PPP4R3A: variants seen among roughly 807,000 people sequenced by gnomAD.
PPP4R3A encodes the protein protein phosphatase 4 regulatory subunit 3A.
In PPP4R3A, 15 loss-of-function variants were observed where a neutral mutation model predicts 91.7. The ratio of observed to expected loss-of-function variants is 0.16; its 90% CI spans 0.11 to 0.25. The LOEUF (loss-of-function observed/expected upper bound fraction) is 0.25. PPP4R3A is among the 10% of genes least tolerant of loss of function. PPP4R3A has a pLI of 1.00. For synonymous variants in PPP4R3A, 377 were observed against 348.7 expected, an observed-to-expected ratio of 1.08 and a Z score of -0.91; for missense variants, 623 against 998.4, an observed-to-expected ratio of 0.62 and a Z score of 5.07.
chr14:91,461,281 A>T (rs1027029077), intron 14 of PPP4R3A, 100 bp downstream of exon 14: 3 of 1,027,104 alleles, frequency 2.9e-6, no homozygotes, highest in Non-Finnish European at 4.4e-6. Context: ...ATGTTAAATC[A>T]GTTCTAGGTG....
At chr14:91,481,076 T>A (rs1889525432) in intron 4 of PPP4R3A, among the ~76,000 whole-genome samples, 2 of 151,874 alleles carry the variant, frequency 1.3e-5, no homozygotes, top group Admixed American at 1.3e-4. Context: ...CTCACACCTG[T>A]AATCCCAGCA....
At chr14:91,466,233 T>G in intron 10 of PPP4R3A, 1 of 985,834 alleles carries the variant, frequency 1.0e-6, no homozygotes, top group Non-Finnish European at 1.2e-6. Context: ...CCCCAGTTAT[T>G]GTAAACAGTG....
chr14:91,494,970 T>C (rs1294442984), intron 1 of PPP4R3A, among the ~76,000 whole-genome samples: 1 of 152,068 alleles, frequency 6.6e-6, no homozygotes, highest in Non-Finnish European at 1.5e-5. Context: ...TGTAGAGAAA[T>C]GGGAAGCTTC....
intron 13 of PPP4R3A, 93 bp downstream of exon 13, chr14:91,461,956 C>CATT: frequency 2.1e-6 from 3 of 1,417,178 alleles, no homozygotes; most frequent in Non-Finnish European, 2.8e-6. Context: ...TGCCATCACA[C>CATT]CTTCCAAGCA....
At position 91,481,946 on chromosome 14, in the gene PPP4R3A, T is replaced by C. The variant is rs1889586837; in HGVS notation, c.545A>G (p.Asp182Gly). 1 of 1,613,874 alleles carries C rather than the reference T, an allele frequency of 6.2e-7. No homozygotes were observed. The highest frequency in any genetic ancestry group is 8.5e-7 in the Non-Finnish European group (1 of 1,179,996). Reference sequence around the variant, plus strand: ...GTGCAGTCCTTCAATATTTTCCAAATCTTCACACACATGAAAAAGCTCCAG... The same window carrying C: ...GTGCAGTCCTTCAATATTTTCCAAACCTTCACACACATGAAAAAGCTCCAG... ...KLLELFHVCE[D>G]LENIEGLHHL... is the part of the protein sequence containing the mutation. The change falls in exon 4 of 15, where the codon GAT becomes GGT. Residue 182 changes from aspartate (D) to glycine (G), a missense_variant. Asp to Gly is a moderately conservative substitution (Grantham distance 94). Coordinates refer to ENST00000554943, the MANE Select transcript of PPP4R3A (RefSeq NM_001366432.2).
Position 91,509,893 on chromosome 14 carries a change from GC to G in PPP4R3A, c.-247del. The G allele has an allele frequency of 9.3e-7, 1 of 1,077,964 alleles. No homozygotes were observed. The allele number at this position is 1,077,964 out of a possible 1,614,324, so 66.8% of individuals were successfully genotyped here. A position where few individuals can be genotyped will look rare whatever the true frequency, so the allele number is the denominator to read the frequency against. On this transcript the variant is annotated 5_prime_UTR_variant, in exon 1 of 15. Coordinates refer to ENST00000554943, the MANE Select transcript of PPP4R3A (RefSeq NM_001366432.2). ...ATTGTCCAGGCCTGGCGAGCCCGGC[GC>G]CCGGCAGCCCCGAGGGGGCCGCGCA... is the stretch of plus-strand genomic sequence containing the variant.
chr14:91,464,702 G>A (rs1264365640), intron 11 of PPP4R3A, among the ~76,000 whole-genome samples: 1 of 152,188 alleles, frequency 6.6e-6, no homozygotes, highest in Admixed American at 6.5e-5. Flanking sequence ...TTAGAAATGT[G>A]TAAGTTAAGA....
At chr14:91,489,790 A>G (rs1456399696) in intron 2 of PPP4R3A, among the ~76,000 whole-genome samples, 1 of 152,244 alleles carries the variant, frequency 6.6e-6, no homozygotes, top group Non-Finnish European at 1.5e-5. Context: ...GTATTCTATC[A>G]GACTATCAAA....
chr14:91,461,384 TGTA>T lies in PPP4R3A; in HGVS notation c.2385_2387del (p.Thr796del). ...AAAATGGGAGTCAAGAATGTACCTT[TGTA>T]GTAATAGCTGCCGTCTGAGATGTAT... On this transcript the variant is annotated inframe_deletion, in exon 14 of 15. Transcript: ENST00000554943. The T allele has an allele frequency of 6.2e-7, 1 of 1,604,740 alleles. No individual in the cohort carries two copies. Among genetic ancestry groups the T allele is most frequent in the Non-Finnish European group, 8.5e-7 (1 of 1,171,960 alleles).
Position 91,491,359 on chromosome 14 carries a change from G to A in PPP4R3A, c.143-557C>T, listed in dbSNP as rs926455779. On this transcript the variant is annotated intron_variant, in intron 1 of 14. Coordinates refer to ENST00000554943, the MANE Select transcript of PPP4R3A (RefSeq NM_001366432.2). ...ATTGCAGGTGCAAGCCACTGTGCCCGACCATATTTCCTTTTCTGAACATTT... is the reference window on the plus strand; with the variant it reads ...ATTGCAGGTGCAAGCCACTGTGCCCAACCATATTTCCTTTTCTGAACATTT... 4.0e-5 allele frequency among the ~76,000 whole-genome samples: 6 copies of A among 151,796 alleles called. No individual in the cohort carries two copies. The South Asian group carries it at 6.2e-4, about 16-fold the overall frequency.
chr14:91,483,069 A>C (rs1377926626), intron 3 of PPP4R3A, among the ~76,000 whole-genome samples: 1 of 152,198 alleles, frequency 6.6e-6, no homozygotes, highest in Non-Finnish European at 1.5e-5. Flanking sequence ...AGGGGCTCTT[A>C]TTATAAAAAG....
chr14:91,487,373 C>A (rs1413765035), intron 2 of PPP4R3A, among the ~76,000 whole-genome samples: 3 of 151,564 alleles, frequency 2.0e-5, no homozygotes, highest in Non-Finnish European at 4.4e-5. Flanking sequence ...ATCTATAAAT[C>A]ATCTCATACA....
At chr14:91,460,132 C>T (rs987647284) in intron 14 of PPP4R3A, among the ~76,000 whole-genome samples, 3 of 152,082 alleles carry the variant, frequency 2.0e-5, no homozygotes, top group African/African-American at 7.2e-5. Context: ...CTGCCTCAGC[C>T]TCCTGAGTAG....
At chr14:91,463,614 A>T (rs1044079373) in intron 11 of PPP4R3A, among the ~76,000 whole-genome samples, 2 of 151,146 alleles carry the variant, frequency 1.3e-5, no homozygotes, top group South Asian at 2.1e-4. Flanking sequence ...TTAACAAAAA[A>T]TTTTTGTAGA....
At chr14:91,477,864 G>A (rs1401761725) in intron 4 of PPP4R3A, among the ~76,000 whole-genome samples, 1 of 152,216 alleles carries the variant, frequency 6.6e-6, no homozygotes, top group Non-Finnish European at 1.5e-5. Flanking sequence ...GGCCAGTCTG[G>A]TCTTGAACTC....
At chr14:91,498,191 T>C (rs1890703319) in intron 1 of PPP4R3A, among the ~76,000 whole-genome samples, 1 of 151,774 alleles carries the variant, frequency 6.6e-6, no homozygotes, top group African/African-American at 2.4e-5. Context: ...AAAAATTAGC[T>C]GGGTGTGGTG....
chr14:91,481,739 G>T lies in PPP4R3A; in HGVS notation c.752C>A (p.Pro251His). The part of the protein sequence containing the change: ...TKTAKFKEVI[P>H]ISDPELKQKI... Reference sequence around the variant, plus strand: ...TTGTTTCAGCTCAGGATCTGATATGGGAATCACTTCTTTAAACTTGGCTGT... The same window carrying T: ...TTGTTTCAGCTCAGGATCTGATATGTGAATCACTTCTTTAAACTTGGCTGT... Residue 251 changes from proline to histidine, a missense_variant, in exon 4 of 15, where the codon CCC becomes CAC. By Grantham distance (77) the Pro-to-His change is moderately conservative. Coordinates refer to ENST00000554943, the MANE Select transcript of PPP4R3A (RefSeq NM_001366432.2). 1 of 1,614,034 alleles carries T rather than the reference G, an allele frequency of 6.2e-7. No individual in the cohort carries two copies. The highest frequency in any genetic ancestry group is 8.5e-7 in the Non-Finnish European group (1 of 1,179,992).
chr14:91,466,557 TAAG>T, intron 10 of PPP4R3A: 1 of 436,052 alleles, frequency 2.3e-6, no homozygotes, highest in South Asian at 9.6e-5. Context: ...GTATCTTTCT[TAAG>T]AAACACTCTG....
At chr14:91,465,032 G>A (rs1888390735) in intron 11 of PPP4R3A, among the ~76,000 whole-genome samples, 1 of 152,182 alleles carries the variant, frequency 6.6e-6, no homozygotes, top group African/African-American at 2.4e-5. Flanking sequence ...CTATGGACCG[G>A]TCCGCGGCCA....
Sources: gnomAD v4.1 joint callset for allele counts (sites outside exome capture counted in the v4.1 genomes callset) on GRCh38, gnomAD v4.1.1 for gene constraint, MANE v1.5 for transcripts, NCBI Gene and HGNC (gene_info 2026-07-23, HGNC 2026-07-21) for gene names.